F8: variants seen among roughly 807,000 people sequenced by gnomAD.
The protein encoded by F8 is coagulation factor VIII.
F8 carries 12 observed loss-of-function variants against 140.6 expected under a neutral mutation model. That is an observed-to-expected ratio of 0.09 (90% CI 0.05 to 0.14). F8 has a LOEUF of 0.14. Among genes scored for constraint, F8 ranks in the 10% least tolerant of loss-of-function variants. The pLI is 1.00. For synonymous variants in F8, 585 were observed against 614.6 expected (o/e 0.95, Z 0.71); for missense variants, 1,354 against 1,720.7 (o/e 0.79, Z 3.77).
At chrX:155,015,777 C>T (rs1192042491) in intron 1 of F8, among the ~76,000 whole-genome samples, 1 of 112,178 alleles carries the variant, frequency 8.9e-6, no homozygotes, top group African/African-American at 3.2e-5. Flanking sequence ...ATGCAACATA[C>T]TCATGTAACA....
At chrX:154,881,595 C>T (rs1369414994) in intron 22 of F8, among the ~76,000 whole-genome samples, 8 of 107,108 alleles carry the variant, frequency 7.5e-5, no homozygotes, top group African/African-American at 2.1e-4. Flanking sequence ...GGAGCGGGGG[C>T]GGGGGAGGGG....
chrX:154,890,779 G>A (rs1357281477), intron 22 of F8, among the ~76,000 whole-genome samples: 5 of 111,679 alleles, frequency 4.5e-5, no homozygotes, highest in Non-Finnish European at 7.5e-5. Flanking sequence ...TAAAGCACAT[G>A]GCTCATATGG....
chrX:154,920,775 C>T (rs782227255), intron 14 of F8, among the ~76,000 whole-genome samples: 6 of 111,956 alleles, frequency 5.4e-5, no homozygotes, highest in Non-Finnish European at 1.1e-4. Context: ...TTTGATGTGA[C>T]AGTTTACATA....
chrX:154,941,195 G>A (rs1557279714), intron 13 of F8, among the ~76,000 whole-genome samples: 1 of 111,591 alleles, frequency 9.0e-6, no homozygotes, highest in African/African-American at 3.3e-5. Context: ...TGGACTAAAT[G>A]CTCCAATTAA....
At chrX:154,869,076 G>A (rs182506128) in intron 22 of F8, among the ~76,000 whole-genome samples, 15 of 111,200 alleles carry the variant, frequency 1.3e-4, no homozygotes, top group Admixed American at 5.7e-4. Flanking sequence ...ACAAAGAGAC[G>A]TAGACTCCCA....
intron 5 of F8, 116 bp from the exon 6 acceptor site, chrX:154,984,919 A>C: frequency 1.7e-6 from 1 of 580,695 alleles, no homozygotes; most frequent in Non-Finnish European, 3.0e-6. Context: ...TTTTGTCAGC[A>C]AAGTAGGCAC....
intron 6 of F8, among the ~76,000 whole-genome samples, chrX:154,972,733 T>G (rs1188581192): frequency 3.4e-5 from 3 of 87,150 alleles, no homozygotes; most frequent in African/African-American, 1.6e-4. Flanking sequence ...TTTTTTTTTT[T>G]GAGACAGAGT....
intron 22 of F8, chrX:154,881,897 C>A (rs2072865129): frequency 3.5e-6 from 1 of 286,541 alleles, no homozygotes; most frequent in South Asian, 2.4e-4. Context: ...ACAAGTAAAA[C>A]CATCTCTATT....
chrX:155,020,846 C>T (rs1263733209), intron 1 of F8, among the ~76,000 whole-genome samples: 3 of 112,123 alleles, frequency 2.7e-5, no homozygotes, highest in Non-Finnish European at 5.6e-5. Context: ...AAACTTATCG[C>T]TATGTGAATG....
intron 25 of F8, among the ~76,000 whole-genome samples, chrX:154,846,043 G>T (rs2072563283): frequency 8.9e-6 from 1 of 112,040 alleles, no homozygotes; most frequent in Non-Finnish European, 1.9e-5. Context: ...CCTTCATTTC[G>T]CTATGTACCC....
At chrX:154,913,578 A>C (rs1365557064) in intron 14 of F8, among the ~76,000 whole-genome samples, 1 of 112,950 alleles carries the variant, frequency 8.9e-6, no homozygotes, top group Non-Finnish European at 1.9e-5. Flanking sequence ...GGCATTGGGT[A>C]AATACACTCA....
At chrX:154,850,083 TTGTGTGTGTG>T (rs60052978) in intron 25 of F8, among the ~76,000 whole-genome samples, 11 of 96,086 alleles carry the variant, frequency 1.1e-4, no homozygotes, top group Admixed American at 4.7e-4. Flanking sequence ...CAGGCTTGTT[TTGTGTGTGTG>T]TGTGTGTGTG....
At chrX:154,842,960 T>C (rs1557271429) in intron 25 of F8, among the ~76,000 whole-genome samples, 1 of 111,374 alleles carries the variant, frequency 9.0e-6, no homozygotes, top group Non-Finnish European at 1.9e-5. Flanking sequence ...ACCCACCCCA[T>C]GACAGGCCCC....
intron 13 of F8, among the ~76,000 whole-genome samples, chrX:154,935,981 AACAC>A (rs782071576): frequency 0.049 from 4,278 of 88,095 alleles, 81 homozygotes; most frequent in Middle Eastern, 0.077. Context: ...ATGCCAAAGT[AACAC>A]ACACACACAC....
chrX:154,865,205 A>C (rs1170614583), intron 22 of F8, among the ~76,000 whole-genome samples: 4 of 111,253 alleles, frequency 3.6e-5, no homozygotes, highest in African/African-American at 1.3e-4. Flanking sequence ...TGAGAGAAAA[A>C]AATCCAATCA....
chrX:154,875,622 T>A lies in F8; in HGVS notation c.6430-12395A>T, dbSNP rs1005779507. Among the ~76,000 whole-genome samples the A allele has an allele frequency of 3.6e-5, 4 of 111,589 alleles. No individual in the cohort carries two copies. In the Admixed American group the frequency reaches 3.8e-4, roughly 11 times the overall value. On this transcript the variant is annotated intron_variant, in intron 22 of 25. Transcript: ENST00000360256. Reference sequence around the variant, plus strand: ...AATTTTAATAAGACCCTTAGCTGTTTCATAAGCAGTAAAGTTTGAAAACAC... The same window carrying A: ...AATTTTAATAAGACCCTTAGCTGTTACATAAGCAGTAAAGTTTGAAAACAC...
intron 7 of F8, 102 bp from the exon 8 acceptor site, chrX:154,966,789 C>T (rs2073426898): frequency 1.0e-6 from 1 of 1,000,071 alleles, no homozygotes; most frequent in African/African-American, 1.9e-5. Context: ...TGAATTGGCT[C>T]ATGTTTCTGC....
At chrX:154,928,433 C>T (rs2073171486) in intron 14 of F8, 138 bp downstream of exon 14, 2 of 570,154 alleles carry the variant, frequency 3.5e-6, no homozygotes, top group South Asian at 5.5e-5. Flanking sequence ...TTGTAAACCT[C>T]TCTTCTCTCT....
At chrX:154,944,818 C>T (rs1446481161) in intron 13 of F8, among the ~76,000 whole-genome samples, 1 of 111,653 alleles carries the variant, frequency 9.0e-6, no homozygotes, top group East Asian at 2.8e-4. Context: ...GGCACATATA[C>T]ACCATGGAAT....
Sources: gnomAD v4.1 joint callset for allele counts (sites outside exome capture counted in the v4.1 genomes callset) on GRCh38, gnomAD v4.1.1 for gene constraint, MANE v1.5 for transcripts, NCBI Gene and HGNC (gene_info 2026-07-23, HGNC 2026-07-21) for gene names.